GON4L: variants seen among roughly 807,000 people sequenced by gnomAD.
GON4L encodes the protein gon-4 like, also known as GON-4-like protein.
A neutral mutation model predicts 211.8 loss-of-function variants in GON4L; 87 were observed. The ratio of observed to expected loss-of-function variants is 0.41; its 90% CI spans 0.35 to 0.49. The LOEUF is 0.49. Ranked by LOEUF, GON4L falls within the 20% of genes least tolerant of loss-of-function variation. The pLI is 0.15. For missense variants in GON4L, 2,155 were observed against 2,659.5 expected (o/e 0.81, Z 4.17); for synonymous variants, 875 against 962.6 (o/e 0.91, Z 1.68).
intron 2 of GON4L, among the ~76,000 whole-genome samples, chr1:155,852,158 G>C (rs1307572098): frequency 3.8e-5 from 2 of 53,080 alleles, no homozygotes; most frequent in Non-Finnish European, 7.3e-5. Flanking sequence ...GAGCGAGACT[G>C]TCACAAAAAA....
chr1:155,794,261 A>G (rs1262915540), intron 12 of GON4L, among the ~76,000 whole-genome samples: 3 of 152,130 alleles, frequency 2.0e-5, no homozygotes, highest in Admixed American at 6.6e-5. Flanking sequence ...TAGTAGAGAC[A>G]GGGTTTCGCC....
intron 12 of GON4L, 145 bp from the exon 13 acceptor site, chr1:155,785,519 A>C (rs76686938): frequency 0.05 from 35,608 of 707,996 alleles, 1,173 homozygotes; most frequent in African/African-American, 0.11. Context: ...GGGTCTCACT[A>C]TGTCACTCAG....
chr1:155,818,339 T>C (rs1216842077), intron 6 of GON4L, among the ~76,000 whole-genome samples: 1 of 152,132 alleles, frequency 6.6e-6, no homozygotes, highest in Non-Finnish European at 1.5e-5. Flanking sequence ...CTCAAACTCC[T>C]GACCTCAGGT....
intron 2 of GON4L, among the ~76,000 whole-genome samples, chr1:155,838,979 A>C (rs567998637): frequency 1.3e-5 from 2 of 152,072 alleles, no homozygotes; most frequent in Admixed American, 6.5e-5. Flanking sequence ...AAAACTGTGG[A>C]ATGGTTCTCA....
intron 11 of GON4L, among the ~76,000 whole-genome samples, chr1:155,800,689 T>C (rs1666561863): frequency 6.6e-6 from 1 of 151,484 alleles, no homozygotes; most frequent in South Asian, 2.1e-4. Context: ...CCATCTCTAC[T>C]AAAAACACAA....
At chr1:155,818,956 C>T (rs1668499728) in intron 6 of GON4L, among the ~76,000 whole-genome samples, 1 of 151,040 alleles carries the variant, frequency 6.6e-6, no homozygotes, top group African/African-American at 2.4e-5. Context: ...TGAGATCGCA[C>T]CACTGCACTC....
At chr1:155,797,870 A>C (rs1429961846) in intron 11 of GON4L, among the ~76,000 whole-genome samples, 7 of 149,124 alleles carry the variant, frequency 4.7e-5, no homozygotes, top group East Asian at 3.9e-4. Flanking sequence ...AAAAAAAAAA[A>C]CACATATATA....
chr1:155,752,065 G>A lies in GON4L; in HGVS notation c.6368C>T (p.Ala2123Val). Reference sequence around the variant, plus strand: ...CTGCTGCTCCCCCTCTGGACCCTTGGCCTGTGTTCCACTGTCTTTAGCCAA... The same window carrying A: ...CTGCTGCTCCCCCTCTGGACCCTTGACCTGTGTTCCACTGTCTTTAGCCAA... Reference protein sequence around the residue: ...GGLAKDSGTQAKGPEGEQQPK... With the variant: ...GGLAKDSGTQVKGPEGEQQPK... Residue 2123 changes from alanine to valine, a missense_variant, in exon 30 of 32, where the codon GCC becomes GTC. Ala to Val is a moderately conservative substitution (Grantham distance 64). Transcript: ENST00000368331. 1.9e-6 allele frequency: 3 copies of A among 1,613,592 alleles called. No individual in the cohort carries two copies. Among genetic ancestry groups the A allele is most frequent in the Non-Finnish European group, 2.5e-6 (3 of 1,179,696 alleles).
intron 13 of GON4L, chr1:155,784,369 T>C: frequency 4.4e-6 from 1 of 228,448 alleles, no homozygotes; most frequent in Non-Finnish European, 7.4e-6. Context: ...TTTTTTTTTT[T>C]TTTTTTTTTT....
At position 155,813,793 on chromosome 1, in the gene GON4L, G is replaced by A; in HGVS notation, c.1293C>T (p.Val431=). ...TGATGTGCCTGATGGCTGGTGTGGT[G>A]ACTTTCTCAGCCTGATTAAAAGAGG... is the stretch of plus-strand genomic sequence containing the variant. The part of the protein sequence containing the change: ...ESGILSEAEK[V]TTPAIRHISA... The change falls in exon 10 of 32, where the codon GTC becomes GTT. Residue 431 remains valine (V), a synonymous_variant. Coordinates refer to ENST00000368331, the MANE Select transcript of GON4L (RefSeq NM_001282860.2). 1 of 1,613,630 alleles carries A rather than the reference G, an allele frequency of 6.2e-7. No homozygotes were observed. The highest frequency in any genetic ancestry group is 1.3e-5 in the African/African-American group (1 of 75,016).
chr1:155,769,541 A>G (rs534243552), intron 19 of GON4L, among the ~76,000 whole-genome samples: 2 of 152,316 alleles, frequency 1.3e-5, no homozygotes, highest in South Asian at 4.1e-4. Context: ...AAGTGACGGA[A>G]TATCTAGAAG....
intron 31 of GON4L, 69 bp from the exon 32 acceptor site, chr1:155,750,802 T>C: frequency 6.9e-7 from 1 of 1,440,178 alleles, no homozygotes; most frequent in Admixed American, 2.0e-5. Context: ...CTCTCTCTGT[T>C]GCTGAGACTG....
chr1:155,771,350 G>T, intron 18 of GON4L, 133 bp from the exon 19 acceptor site: 1 of 1,176,300 alleles, frequency 8.5e-7, no homozygotes, highest in Non-Finnish European at 1.2e-6. Context: ...CACCCAGGCT[G>T]GAGTGCAGTG....
intron 31 of GON4L, among the ~76,000 whole-genome samples, chr1:155,751,108 T>C (rs1403026581): frequency 2.0e-5 from 3 of 151,866 alleles, no homozygotes; most frequent in Non-Finnish European, 4.4e-5. Context: ...AAGCACAATA[T>C]ACTGATTTGA....
At chr1:155,757,594 G>A in intron 25 of GON4L, among the ~76,000 whole-genome samples, 1 of 150,116 alleles carries the variant, frequency 6.7e-6, no homozygotes, top group Non-Finnish European at 1.5e-5. Context: ...AGCAGAGCAA[G>A]GAGGTAAGGC....
At chr1:155,749,244 C>T, downstream of GON4L, 1 of 1,546,120 alleles carries the variant, frequency 6.5e-7, no homozygotes, top group Non-Finnish European at 8.8e-7. Context: ...AAGAGCAAAA[C>T]TCTGTCTCAA....
intron 3 of GON4L, among the ~76,000 whole-genome samples, chr1:155,826,225 CA>C (rs1669202878): frequency 6.6e-6 from 1 of 150,798 alleles, no homozygotes; most frequent in African/African-American, 2.4e-5. Context: ...AAAAAAAAGG[CA>C]GTTATAAAAT....
At chr1:155,758,669 A>C (rs1330982018) in intron 24 of GON4L, among the ~76,000 whole-genome samples, 1 of 152,132 alleles carries the variant, frequency 6.6e-6, no homozygotes, top group Non-Finnish European at 1.5e-5. Flanking sequence ...ACCTGAGGTC[A>C]AGAGTTCGAG....
intron 6 of GON4L, among the ~76,000 whole-genome samples, chr1:155,820,361 G>C (rs1401108044): frequency 1.3e-5 from 2 of 152,166 alleles, no homozygotes; most frequent in Non-Finnish European, 2.9e-5. Context: ...CTCACCTATT[G>C]ATTTCAACTA....
Sources: allele counts gnomAD v4.1 joint callset (sites outside exome capture counted in the v4.1 genomes callset), GRCh38; gene constraint gnomAD v4.1.1; transcripts MANE v1.5; gene names NCBI Gene and HGNC (gene_info 2026-07-23, HGNC 2026-07-21).